ADAM19: variants seen among roughly 807,000 people sequenced by gnomAD.
ADAM19 encodes the protein ADAM metallopeptidase domain 19.
In ADAM19, 65 loss-of-function variants were observed where a neutral mutation model predicts 114.7. The observed-to-expected ratio is 0.57, with a 90% CI of 0.46 to 0.70. ADAM19 has a LOEUF of 0.70. Among genes scored for constraint, ADAM19 ranks in the 30% least tolerant of loss-of-function variants. The pLI is 0.00. For missense variants in ADAM19, 1,063 were observed against 1,204.7 expected (o/e 0.88, Z 1.74); for synonymous variants, 466 against 460.5 (o/e 1.01, Z -0.15).
intron 3 of ADAM19, among the ~76,000 whole-genome samples, chr5:157,551,715 C>A (rs934056046): frequency 3.3e-5 from 5 of 151,140 alleles, no homozygotes; most frequent in Admixed American, 3.3e-4. Flanking sequence ...GCTCAAACAA[C>A]TCTATAAGAA....
At chr5:157,504,541 G>A (rs1181170141) in intron 11 of ADAM19, among the ~76,000 whole-genome samples, 2 of 151,960 alleles carry the variant, frequency 1.3e-5, no homozygotes, top group Admixed American at 6.6e-5. Context: ...GTGAGCCACC[G>A]CACCCAGCCA....
At chr5:157,494,816 T>C (rs777956092) in intron 14 of ADAM19, 21 bp from the exon 15 acceptor site, 4 of 1,598,652 alleles carry the variant, frequency 2.5e-6, no homozygotes, top group South Asian at 1.1e-5. Flanking sequence ...AAGCAACATC[T>C]ATCAGTATAC....
intron 8 of ADAM19, among the ~76,000 whole-genome samples, chr5:157,513,026 G>A (rs1755968945): frequency 6.6e-6 from 1 of 152,184 alleles, no homozygotes; most frequent in Non-Finnish European, 1.5e-5. Flanking sequence ...AGGGGTAAGA[G>A]GAAGGGGTCA....
chr5:157,548,864 GTT>G (rs1757115678), intron 3 of ADAM19, among the ~76,000 whole-genome samples: 1 of 152,170 alleles, frequency 6.6e-6, no homozygotes, highest in Admixed American at 6.6e-5. Context: ...TAGATGAAGA[GTT>G]TAATCACATC....
chr5:157,495,834 A>G (rs1193191170), intron 14 of ADAM19, among the ~76,000 whole-genome samples: 7 of 150,428 alleles, frequency 4.7e-5, no homozygotes, highest in African/African-American at 1.2e-4. Context: ...GGGTTTCACC[A>G]TGTTGGCCAG....
rs751856808 is a variant in ADAM19 at position 157,480,597 on chromosome 5, G to A, written c.*352C>T. 18 of 1,099,390 alleles carry A rather than the reference G, an allele frequency of 1.6e-5. No individual in the cohort carries two copies. Among genetic ancestry groups the A allele is most frequent in the Non-Finnish European group, 1.7e-5 (15 of 900,412 alleles). 68.1% of individuals were successfully genotyped at this position (1,099,390 alleles called of 1,614,324 possible). On this transcript the variant is annotated 3_prime_UTR_variant, in exon 23 of 23. Coordinates refer to ENST00000257527, the MANE Select transcript of ADAM19 (RefSeq NM_033274.5). ...GAGTGAATGGATGGCTTCTGCAAGC[G>A]AAGTGCTGGCCTGAGGGGCTTGCTG...
chr5:157,484,646 C>G (rs1366919888), intron 21 of ADAM19, among the ~76,000 whole-genome samples: 1 of 152,184 alleles, frequency 6.6e-6, no homozygotes, highest in African/African-American at 2.4e-5. Flanking sequence ...GAAACTAAAG[C>G]AAATTCTTAA....
intron 12 of ADAM19, among the ~76,000 whole-genome samples, chr5:157,501,866 T>C (rs1426826960): frequency 6.6e-6 from 1 of 151,460 alleles, no homozygotes; most frequent in African/African-American, 2.4e-5. Flanking sequence ...CTGGTCAATG[T>C]AGCAAAACTC....
Position 157,507,144 on chromosome 5 carries a change from C to T in ADAM19, c.906-4G>A, listed in dbSNP as rs777954632. 1.9e-6 allele frequency: 3 copies of T among 1,613,692 alleles called. No homozygotes were observed. In the South Asian group the frequency reaches 3.3e-5, roughly 18 times the overall value. On this transcript the variant is annotated splice_region_variant and splice_polypyrimidine_tract_variant and intron_variant, in intron 9 of 22. Transcript: ENST00000257527. Reference sequence around the variant, plus strand: ...GGTGCCGTGGAAGGACATGCCCCTGCAGGAGGCAAGGAGAGACGGTGACCG... The same window carrying T: ...GGTGCCGTGGAAGGACATGCCCCTGTAGGAGGCAAGGAGAGACGGTGACCG...
intron 13 of ADAM19, 51 bp downstream of exon 13, chr5:157,499,522 T>C (rs1755480868): frequency 1.3e-6 from 2 of 1,494,864 alleles, no homozygotes; most frequent in Non-Finnish European, 1.9e-6. Context: ...AGCAGTCCTG[T>C]GGTCCCACTG....
chr5:157,502,726 T>C (rs1755609390), intron 12 of ADAM19, 77 bp downstream of exon 12: 7 of 1,517,034 alleles, frequency 4.6e-6, no homozygotes, highest in Non-Finnish European at 4.5e-6. Flanking sequence ...AAATTTTCAA[T>C]TGTGTTCTCT....
chr5:157,530,804 T>A lies in ADAM19; in HGVS notation c.407+3A>T. On this transcript the variant is annotated splice_donor_region_variant and intron_variant, in intron 5 of 22. Transcript: ENST00000257527. ...TGCCACCTGCAGCCTCAGGGTCTCT[T>A]ACCTAATTCCTCGGCAAGTGCTGAG... The A allele has an allele frequency of 6.2e-7, 1 of 1,613,946 alleles. No homozygotes were observed. The highest frequency in any genetic ancestry group is 8.5e-7 in the Non-Finnish European group (1 of 1,179,832).
intron 9 of ADAM19, among the ~76,000 whole-genome samples, chr5:157,508,612 AAAAAG>A (rs1210978175): frequency 3.9e-5 from 6 of 152,176 alleles, no homozygotes; most frequent in South Asian, 4.1e-4. Context: ...AAGAAAAAAA[AAAAAG>A]AAAAGAAGAC....
chr5:157,481,768 T>C, intron 22 of ADAM19, 23 bp downstream of exon 22: 1 of 1,560,700 alleles, frequency 6.4e-7, no homozygotes, highest in Non-Finnish European at 8.7e-7. Flanking sequence ...AGCTTTCACC[T>C]TGAGGGCTTC....
At chr5:157,562,518 C>T (rs1757535704) in intron 3 of ADAM19, among the ~76,000 whole-genome samples, 1 of 152,202 alleles carries the variant, frequency 6.6e-6, no homozygotes, top group South Asian at 2.1e-4. Context: ...TCACAACCAT[C>T]CCACGAGGCT....
rs568517035 is a variant in ADAM19, at chr5:157,575,594, G to A, written c.94+9C>T. 1.4e-6 allele frequency: 2 copies of A among 1,461,184 alleles called. No homozygotes were observed. The highest frequency in any genetic ancestry group is 1.8e-6 in the Non-Finnish European group (2 of 1,112,462). The allele number at this position is 1,461,184 out of a possible 1,614,324, so 90.5% of individuals were successfully genotyped here. ...CCCAGCCTCCATCCCCCCGCGCCTG[G>A]CCACTTACTTGTCCATCCAGGCTCC... On this transcript the variant is annotated intron_variant, in intron 1 of 22. Coordinates refer to ENST00000257527, the MANE Select transcript of ADAM19 (RefSeq NM_033274.5).
At chr5:157,483,209 T>TA (rs35642221) in intron 21 of ADAM19, among the ~76,000 whole-genome samples, 43 of 151,762 alleles carry the variant, frequency 2.8e-4, no homozygotes, top group Admixed American at 2.2e-3. Flanking sequence ...TAAAGTATAA[T>TA]AAAAAAAATT....
At chr5:157,530,676 C>A in intron 5 of ADAM19, 131 bp downstream of exon 5, 3 of 696,054 alleles carry the variant, frequency 4.3e-6, no homozygotes, top group Non-Finnish European at 7.5e-6. Context: ...AGGCTCAGCC[C>A]CTCTCTGGGC....
chr5:157,560,400 A>G (rs927968289), intron 3 of ADAM19, among the ~76,000 whole-genome samples: 1 of 152,072 alleles, frequency 6.6e-6, no homozygotes, highest in South Asian at 2.1e-4. Flanking sequence ...GACCAATTTC[A>G]TATCATCTGT....
Sources: gnomAD v4.1 joint callset for allele counts (sites outside exome capture counted in the v4.1 genomes callset) on GRCh38, gnomAD v4.1.1 for gene constraint, MANE v1.5 for transcripts, NCBI Gene and HGNC (gene_info 2026-07-23, HGNC 2026-07-21) for gene names.